SATB1: variants seen among roughly 807,000 people sequenced by gnomAD.
SATB1 encodes DNA-binding protein SATB1.
In SATB1, 11 loss-of-function variants were observed where a neutral mutation model predicts 86.9. The ratio of observed to expected loss-of-function variants is 0.13; its 90% CI spans 0.08 to 0.21. SATB1 has a LOEUF of 0.21. Ranked by LOEUF, SATB1 falls within the 10% of genes least tolerant of loss-of-function variation. The pLI is 1.00. For missense variants in SATB1, 551 were observed against 937.6 expected, an observed-to-expected ratio of 0.59 and a Z score of 5.39; for synonymous variants, 357 against 357.2, an observed-to-expected ratio of 1.00 and a Z score of 0.01.
At chr3:18,410,379 C>T (rs1697770323) in intron 5 of SATB1, among the ~76,000 whole-genome samples, 1 of 151,924 alleles carries the variant, frequency 6.6e-6, no homozygotes, top group African/African-American at 2.4e-5. Context: ...CTTGGTGAAG[C>T]TCCCGGGCTC....
At chr3:18,411,123 A>T (rs994933679) in intron 5 of SATB1, 2 of 367,914 alleles carry the variant, frequency 5.4e-6, no homozygotes, top group African/African-American at 4.2e-5. Flanking sequence ...GTTCAAATTT[A>T]TTTTATATAT....
At chr3:18,382,900 C>G (rs1312770029) in intron 8 of SATB1, among the ~76,000 whole-genome samples, 1 of 152,188 alleles carries the variant, frequency 6.6e-6, no homozygotes, top group African/African-American at 2.4e-5. Context: ...AGAGACTTAG[C>G]AGAGGATTTG....
At chr3:18,382,241 G>A (rs1022664740) in intron 8 of SATB1, among the ~76,000 whole-genome samples, 1 of 151,766 alleles carries the variant, frequency 6.6e-6, no homozygotes, top group African/African-American at 2.4e-5. Context: ...TAATTCTTTA[G>A]GTAATTACAT....
At chr3:18,359,855 T>G (rs1317021905) in intron 9 of SATB1, among the ~76,000 whole-genome samples, 3 of 151,934 alleles carry the variant, frequency 2.0e-5, no homozygotes, top group Non-Finnish European at 4.4e-5. Flanking sequence ...GTGTAACATT[T>G]TCATCAGTTT....
intron 2 of SATB1, among the ~76,000 whole-genome samples, chr3:18,433,552 A>C (rs927835827): frequency 6.6e-6 from 1 of 152,114 alleles, no homozygotes; most frequent in African/African-American, 2.4e-5. Context: ...TTATATTAAA[A>C]ACTTGTATTA....
At chr3:18,397,113 C>T (rs1697000856) in intron 6 of SATB1, 66 bp downstream of exon 6, 1 of 922,862 alleles carries the variant, frequency 1.1e-6, no homozygotes, top group Admixed American at 1.7e-5. Context: ...TTAGATGTGA[C>T]TTTGATAAAC....
chr3:18,432,767 TA>T (rs1312217051), intron 2 of SATB1, among the ~76,000 whole-genome samples: 1 of 151,106 alleles, frequency 6.6e-6, no homozygotes, highest in Non-Finnish European at 1.5e-5. Context: ...CAAAATGGCG[TA>T]TTTTTTAACA....
chr3:18,425,814 G>A (rs556168583), upstream of SATB1, among the ~76,000 whole-genome samples: 4 of 145,826 alleles, frequency 2.7e-5, no homozygotes, highest in South Asian at 2.2e-4. Flanking sequence ...TGTGTGAGTG[G>A]GAGGGAGGAG....
At chr3:18,379,172 C>T (rs758489685) in intron 8 of SATB1, among the ~76,000 whole-genome samples, 16 of 152,240 alleles carry the variant, frequency 1.1e-4, no homozygotes, top group Middle Eastern at 3.4e-3. Context: ...AAGCAGATAT[C>T]GGCAGTAAAA....
chr3:18,431,150 AG>A (rs1698878114), intron 2 of SATB1, among the ~76,000 whole-genome samples: 1 of 152,164 alleles, frequency 6.6e-6, no homozygotes, highest in Non-Finnish European at 1.5e-5. Flanking sequence ...AAATCGAGTA[AG>A]AAGAAGGAAG....
At chr3:18,438,917 C>T (rs1016675061), upstream of SATB1, 4 of 152,218 alleles carry the variant, frequency 2.6e-5, no homozygotes, top group Non-Finnish European at 5.9e-5. Context: ...CTGCTTCTTC[C>T]GCAAGCATTT....
In SATB1 at chr3:18,386,437, C is replaced by G; in HGVS notation, c.1381G>C (p.Ala461Pro). Reference protein sequence around the residue: ...SLNAASAMGPAPLISTPPSRP... With the variant: ...SLNAASAMGPPPLISTPPSRP... ...CTGGGTGGTGTGCTGATGAGGGGGG[C>G]AGGACCCATGGCCGAGGCAGCATTC... Residue 461 changes from alanine to proline, a missense_variant, in exon 8 of 11, where the codon GCC (alanine) becomes CCC (proline). Ala to Pro is a conservative substitution (Grantham distance 27, BLOSUM62 -1). Transcript: ENST00000338745. This position sits in a 1 kb window ranked among gnomAD's most constrained non-coding sequence, Gnocchi z 4.5. 1 of 1,613,992 alleles carries G rather than the reference C, an allele frequency of 6.2e-7. No individual in the cohort carries two copies. Among genetic ancestry groups the G allele is most frequent in the African/African-American group, 1.3e-5 (1 of 75,016 alleles).
chr3:18,433,381 G>A (rs1004834545), intron 2 of SATB1, among the ~76,000 whole-genome samples: 1 of 151,910 alleles, frequency 6.6e-6, no homozygotes, highest in Non-Finnish European at 1.5e-5. Flanking sequence ...TTTAATAAAA[G>A]AAAATTTTGT....
At chr3:18,413,788 T>C (rs1458884865) in intron 5 of SATB1, among the ~76,000 whole-genome samples, 1 of 152,120 alleles carries the variant, frequency 6.6e-6, no homozygotes, top group Non-Finnish European at 1.5e-5. Flanking sequence ...ATGTAACCTG[T>C]GGCTATAGCT....
At chr3:18,365,682 G>C (rs9310551) in intron 9 of SATB1, among the ~76,000 whole-genome samples, 126,299 of 152,146 alleles carry the variant, frequency 0.83, 52,674 homozygotes, top group East Asian at 0.92. Flanking sequence ...ATAACCGTCT[G>C]ATAACTTTAT....
intron 1 of SATB1, chr3:18,445,300 CGCCGCCGCTGCT>C: frequency 1.0e-6 from 1 of 985,522 alleles, no homozygotes; most frequent in Non-Finnish European, 1.2e-6. Context: ...CCGCCGCCGC[CGCCGCCGCTGCT>C]GCGCACCGCT....
At chr3:18,397,645 A>G (rs950718152) in intron 5 of SATB1, among the ~76,000 whole-genome samples, 7 of 152,218 alleles carry the variant, frequency 4.6e-5, no homozygotes, top group African/African-American at 1.7e-4. Flanking sequence ...ACTCATAAAT[A>G]TACGAGACTT....
At chr3:18,397,699 T>C (rs1247207145) in intron 5 of SATB1, among the ~76,000 whole-genome samples, 2 of 152,228 alleles carry the variant, frequency 1.3e-5, no homozygotes, top group Non-Finnish European at 2.9e-5. Flanking sequence ...ACTCAAAGTA[T>C]AGACCAGGGA....
At chr3:18,414,953 C>G (rs1698037995) in intron 5 of SATB1, 158 bp downstream of exon 5, 3 of 703,070 alleles carry the variant, frequency 4.3e-6, no homozygotes, top group African/African-American at 3.6e-5. Context: ...CACAAGGAAT[C>G]AGGCATATTT....
Sources: allele counts gnomAD v4.1 joint callset (sites outside exome capture counted in the v4.1 genomes callset), GRCh38; gene constraint gnomAD v4.1.1; non-coding constraint Gnocchi (gnomAD v3.1); transcripts MANE v1.5; gene names NCBI Gene and HGNC (gene_info 2026-07-23, HGNC 2026-07-21).